The following ZNF341 variants were observed in gnomAD, a reference collection of about 807,000 sequenced individuals.
The protein encoded by ZNF341 is zinc finger protein 341.
A neutral mutation model predicts 87.7 loss-of-function variants in ZNF341; 52 were observed. The observed-to-expected ratio is 0.59, with a 90% CI of 0.47 to 0.75. ZNF341 has a LOEUF of 0.75. Among genes scored for constraint, ZNF341 ranks in the 30% least tolerant of loss-of-function variants. ZNF341 has a pLI of 0.00. For synonymous variants in ZNF341, 459 were observed against 472.7 expected (o/e 0.97, Z 0.38); for missense variants, 977 against 1,145.9 (o/e 0.85, Z 2.13).
chr20:33,789,624 T>C, intron 14 of ZNF341, 36 bp downstream of exon 14: 1 of 1,608,986 alleles, frequency 6.2e-7, no homozygotes, highest in Non-Finnish European at 8.5e-7. Context: ...AGGGTCTGGT[T>C]CAGCTCTAGT....
intron 10 of ZNF341, among the ~76,000 whole-genome samples, chr20:33,779,356 A>G (rs1372569784): frequency 6.6e-6 from 1 of 152,048 alleles, no homozygotes; most frequent in Non-Finnish European, 1.5e-5. Context: ...ACCTCCCACC[A>G]GAACTCACCT....
chr20:33,755,025 C>G (rs546839086), intron 5 of ZNF341, among the ~76,000 whole-genome samples: 2 of 151,566 alleles, frequency 1.3e-5, no homozygotes, highest in South Asian at 4.2e-4. Flanking sequence ...TCACTGCAAC[C>G]TCCACCTCTC....
chr20:33,769,174 G>A (rs935047378), intron 9 of ZNF341, among the ~76,000 whole-genome samples: 7 of 152,140 alleles, frequency 4.6e-5, no homozygotes, highest in Non-Finnish European at 7.3e-5. Flanking sequence ...CCTAGTCAAT[G>A]GAAAGTAGTC....
At chr20:33,768,184 A>G (rs1488728879) in intron 9 of ZNF341, among the ~76,000 whole-genome samples, 1 of 150,642 alleles carries the variant, frequency 6.6e-6, no homozygotes, top group African/African-American at 2.4e-5. Flanking sequence ...GTGCAATGGC[A>G]CGATCTCGGC....
chr20:33,773,334 G>C (rs1458590466), intron 10 of ZNF341, among the ~76,000 whole-genome samples: 1 of 152,190 alleles, frequency 6.6e-6, no homozygotes, highest in Non-Finnish European at 1.5e-5. Flanking sequence ...ACCCTGTGCA[G>C]TCCCCTTGCA....
At chr20:33,764,552 TATATATATA>T (rs2019361791) in intron 8 of ZNF341, among the ~76,000 whole-genome samples, 2 of 77,310 alleles carry the variant, frequency 2.6e-5, no homozygotes, top group Non-Finnish European at 4.8e-5. Context: ...TGTATATATA[TATATATATA>T]TTTTTTTTTT....
At chr20:33,783,902 TCCCCTC>T in intron 12 of ZNF341, 38 bp downstream of exon 12, 6 of 1,323,202 alleles carry the variant, frequency 4.5e-6, no homozygotes, top group Non-Finnish European at 4.0e-6. Context: ...GCCCAGCCCC[TCCCCTC>T]CCCCTCCCCC....
intron 11 of ZNF341, among the ~76,000 whole-genome samples, chr20:33,782,864 T>C (rs1254838782): frequency 6.6e-6 from 1 of 152,140 alleles, no homozygotes; most frequent in Non-Finnish European, 1.5e-5. Context: ...TTACCTTTCA[T>C]ACAAAAATTA....
chr20:33,785,228 T>G (rs2019828781), intron 12 of ZNF341, among the ~76,000 whole-genome samples: 1 of 152,178 alleles, frequency 6.6e-6, no homozygotes, highest in Non-Finnish European at 1.5e-5. Context: ...TCCTACGACC[T>G]ATGGTAAAAA....
chr20:33,755,437 C>T (rs147084305), intron 5 of ZNF341, among the ~76,000 whole-genome samples: 3,663 of 152,290 alleles, frequency 0.024, 129 homozygotes, highest in African/African-American at 0.083. Context: ...GCTGGGATTA[C>T]AGGCATGAGC....
At chr20:33,789,463 G>A in intron 13 of ZNF341, 55 bp from the exon 14 acceptor site, 2 of 1,591,078 alleles carry the variant, frequency 1.3e-6, no homozygotes, top group Non-Finnish European at 1.7e-6. Flanking sequence ...GGAGGGGCCA[G>A]CAAGAGGATC....
At chr20:33,766,454 C>G (rs2019408556) in intron 8 of ZNF341, among the ~76,000 whole-genome samples, 1 of 152,090 alleles carries the variant, frequency 6.6e-6, no homozygotes, top group Non-Finnish European at 1.5e-5. Flanking sequence ...CTTGACCTCC[C>G]AAGGTTCTGG....
chr20:33,769,745 T>C (rs1049060167), intron 9 of ZNF341, among the ~76,000 whole-genome samples: 1 of 152,150 alleles, frequency 6.6e-6, no homozygotes, highest in African/African-American at 2.4e-5. Flanking sequence ...ACCCCGTCTC[T>C]ACTAAAAATA....
At position 33,791,646 on chromosome 20, in the gene ZNF341, T is replaced by C. The variant is rs753697262; in HGVS notation, c.*129T>C. 5 of 1,110,442 alleles carry C rather than the reference T, an allele frequency of 4.5e-6. No individual in the cohort carries two copies. Among genetic ancestry groups the C allele is most frequent in the Non-Finnish European group, 6.2e-6 (5 of 811,094 alleles). The allele number at this position is 1,110,442 out of a possible 1,614,324, so 68.8% of individuals were successfully genotyped here. On this transcript the variant is annotated 3_prime_UTR_variant, in exon 15 of 15. Coordinates refer to ENST00000375200, the MANE Select transcript of ZNF341 (RefSeq NM_001282933.2). Reference sequence around the variant, plus strand: ...AGCCATTGGCAGAAATCCTGCTGAATGTCATTCAGAAACCTCAGCCCATGG... The same window carrying C: ...AGCCATTGGCAGAAATCCTGCTGAACGTCATTCAGAAACCTCAGCCCATGG...
At chr20:33,761,584 G>A (rs1399203634) in intron 7 of ZNF341, among the ~76,000 whole-genome samples, 1 of 152,158 alleles carries the variant, frequency 6.6e-6, no homozygotes, top group Non-Finnish European at 1.5e-5. Flanking sequence ...ATTTAAATGG[G>A]CTTGAACAAT....
intron 5 of ZNF341, among the ~76,000 whole-genome samples, chr20:33,756,477 C>G (rs1174671763): frequency 6.6e-6 from 1 of 151,834 alleles, no homozygotes; most frequent in Non-Finnish European, 1.5e-5. Context: ...AGTGATTCTC[C>G]TGCCTTAGCC....
chr20:33,758,843 G>A (rs1221410979), intron 7 of ZNF341, 37 bp downstream of exon 7: 19 of 1,572,160 alleles, frequency 1.2e-5, no homozygotes, highest in Non-Finnish European at 1.6e-5. Context: ...CTCCTGGGCA[G>A]GTGTGGCTGG....
intron 2 of ZNF341, among the ~76,000 whole-genome samples, chr20:33,741,463 G>A (rs540696267): frequency 3.3e-5 from 5 of 151,756 alleles, no homozygotes; most frequent in African/African-American, 1.2e-4. Context: ...GGAGTGCAGG[G>A]CACGATCTTG....
chr20:33,767,613 G>A (rs548462137), intron 9 of ZNF341, among the ~76,000 whole-genome samples: 22 of 152,254 alleles, frequency 1.4e-4, no homozygotes, highest in Non-Finnish European at 2.5e-4. Flanking sequence ...ACTGTTATCC[G>A]TGAGCCAAAA....
Sources: gnomAD v4.1 joint callset for allele counts (sites outside exome capture counted in the v4.1 genomes callset) on GRCh38, gnomAD v4.1.1 for gene constraint, MANE v1.5 for transcripts, NCBI Gene and HGNC (gene_info 2026-07-23, HGNC 2026-07-21) for gene names.